ARL14EPL: variants seen among roughly 807,000 people sequenced by gnomAD.
ARL14EPL encodes ARL14 effector protein-like.
Under a neutral mutation model 15.9 loss-of-function variants are expected in ARL14EPL, and 17 were observed. The observed-to-expected ratio is 1.07, with a 90% CI of 0.73 to 1.60. ARL14EPL has a LOEUF of 1.60. ARL14EPL is among the 40% of genes most tolerant of loss of function. The pLI, the probability that ARL14EPL is intolerant of heterozygous loss-of-function variation, is 0.00. For missense variants in ARL14EPL, 214 were observed against 185.9 expected, an observed-to-expected ratio of 1.15 and a Z score of -0.88; for synonymous variants, 78 against 63.8, an observed-to-expected ratio of 1.22 and a Z score of -1.06.
chr5:116,035,575 C>T (rs1481251981), intron 1 of ARL14EPL, among the ~76,000 whole-genome samples: 2 of 152,144 alleles, frequency 1.3e-5, no homozygotes, highest in Non-Finnish European at 2.9e-5. Context: ...GAGGCAGGAA[C>T]TACAAGAAAC....
intron 1 of ARL14EPL, among the ~76,000 whole-genome samples, chr5:116,048,629 A>T (rs540004516): frequency 9.3e-4 from 141 of 152,290 alleles, no homozygotes; most frequent in Non-Finnish European, 7.8e-4. Context: ...AGCTACTGTT[A>T]TCTTGAAGAA....
At chr5:116,049,542 A>G (rs1749331422) in intron 1 of ARL14EPL, among the ~76,000 whole-genome samples, 1 of 152,190 alleles carries the variant, frequency 6.6e-6, no homozygotes, top group African/African-American at 2.4e-5. Context: ...TTTGTTACAG[A>G]AGCATATTGC....
chr5:116,059,169 C>T lies in ARL14EPL; in HGVS notation c.*222C>T. 1.8e-6 allele frequency: 1 copy of T among 547,234 alleles called. No homozygotes were observed. The highest frequency in any genetic ancestry group is 3.3e-6 in the Non-Finnish European group (1 of 305,762). The allele number at this position is 547,234 out of a possible 1,614,324, so 33.9% of individuals were successfully genotyped here. ...CTTAACTTGCAACCAAAGAATGTAACAATGGAGGGATCAGCATTTCTCATC... is the reference window on the plus strand; with the variant it reads ...CTTAACTTGCAACCAAAGAATGTAATAATGGAGGGATCAGCATTTCTCATC... On this transcript the variant is annotated 3_prime_UTR_variant, in exon 4 of 4. Transcript: ENST00000686077.
chr5:116,057,672 A>G (rs1749552713), intron 3 of ARL14EPL, among the ~76,000 whole-genome samples: 1 of 152,246 alleles, frequency 6.6e-6, no homozygotes, highest in African/African-American at 2.4e-5. Context: ...CATTCTTGCT[A>G]AAGCGTGATC....
At chr5:116,056,589 C>T (rs1749522920) in intron 3 of ARL14EPL, among the ~76,000 whole-genome samples, 1 of 152,094 alleles carries the variant, frequency 6.6e-6, no homozygotes. Flanking sequence ...TTCTCCCATT[C>T]TGTAGGTTGC....
chr5:116,041,985 T>A (rs781474475), intron 1 of ARL14EPL, among the ~76,000 whole-genome samples: 6 of 152,108 alleles, frequency 3.9e-5, no homozygotes, highest in Non-Finnish European at 5.9e-5. Context: ...TGAGCCACTA[T>A]GCTCGGCTAA....
chr5:116,049,499 T>A (rs1749330476), intron 1 of ARL14EPL, among the ~76,000 whole-genome samples: 1 of 152,194 alleles, frequency 6.6e-6, no homozygotes. Flanking sequence ...TCTTTCCAAC[T>A]TTTATTTTAG....
Position 116,056,227 on chromosome 5 carries a change from A to T in ARL14EPL, c.236+2074A>T, listed in dbSNP as rs111810528. Among the ~76,000 whole-genome samples the T allele has an allele frequency of 4.7e-3, 705 of 151,170 alleles. 6 individuals carry two copies. Among genetic ancestry groups the T allele is most frequent in the African/African-American group, 0.017 (670 of 40,560 alleles). ...AGATCCCTGAGGAATCGCCACACTGACTTCCACAAGGGTTGAAGTAGTTTA... is the reference window on the plus strand; with the variant it reads ...AGATCCCTGAGGAATCGCCACACTGTCTTCCACAAGGGTTGAAGTAGTTTA... On this transcript the variant is annotated intron_variant, in intron 3 of 3. Coordinates refer to ENST00000686077, the MANE Select transcript of ARL14EPL (RefSeq NM_001195581.2).
chr5:116,053,855 C>G (rs1749453006), intron 2 of ARL14EPL, among the ~76,000 whole-genome samples, 159 bp from the exon 3 acceptor site: 1 of 152,178 alleles, frequency 6.6e-6, no homozygotes, highest in Non-Finnish European at 1.5e-5. Flanking sequence ...TGTACACCAT[C>G]TTTTGAAACT....
intron 1 of ARL14EPL, among the ~76,000 whole-genome samples, chr5:116,041,544 T>A (rs1749158290): frequency 6.6e-6 from 1 of 152,206 alleles, no homozygotes; most frequent in Admixed American, 6.5e-5. Context: ...TTCACTTACC[T>A]GCTAGTCACT....
intron 1 of ARL14EPL, among the ~76,000 whole-genome samples, chr5:116,041,996 T>C (rs999606971): frequency 6.6e-6 from 1 of 152,002 alleles, no homozygotes; most frequent in Non-Finnish European, 1.5e-5. Flanking sequence ...GCTCGGCTAA[T>C]TTTTTTATTT....
At chr5:116,036,656 A>G (rs1749055251) in intron 1 of ARL14EPL, among the ~76,000 whole-genome samples, 2 of 152,210 alleles carry the variant, frequency 1.3e-5, no homozygotes. Flanking sequence ...AGGATATTTT[A>G]TTGATATAAA....
intron 1 of ARL14EPL, among the ~76,000 whole-genome samples, chr5:116,038,781 T>C (rs1749094764): frequency 6.6e-6 from 1 of 151,540 alleles, no homozygotes; most frequent in African/African-American, 2.5e-5. Context: ...GCACGTTCTA[T>C]GACTAACTAC....
At chr5:116,058,588 A>G (rs1368184873) in intron 3 of ARL14EPL, 137 bp from the exon 4 acceptor site, 1 of 785,156 alleles carries the variant, frequency 1.3e-6, no homozygotes, top group African/African-American at 1.7e-5. Flanking sequence ...GGTCCAGAGT[A>G]CCAATGTTTC....
intron 1 of ARL14EPL, among the ~76,000 whole-genome samples, chr5:116,033,480 A>C (rs1300425881): frequency 2.0e-5 from 3 of 152,186 alleles, no homozygotes; most frequent in African/African-American, 7.2e-5. Flanking sequence ...TTTTCAACTT[A>C]CTATAGGCTT....
intron 1 of ARL14EPL, among the ~76,000 whole-genome samples, chr5:116,037,979 T>C (rs913530946): frequency 4.6e-5 from 7 of 152,182 alleles, no homozygotes; most frequent in Admixed American, 2.0e-4. Flanking sequence ...GTCACTGCTG[T>C]GTTTGTGAAC....
chr5:116,052,374 A>G lies in ARL14EPL; in HGVS notation c.96+813A>G, dbSNP rs540787979. The stretch of plus-strand genomic sequence containing the variant: ...AAATGTTTTTATTTAATGAACCTTT[A>G]TTTTGTTATTATTATGTCACGTTAT... On this transcript the variant is annotated intron_variant, in intron 2 of 3. Transcript: ENST00000686077. The G allele has an allele frequency of 1.7e-5, 13 of 769,858 alleles. 1 individual carries two copies. The African/African-American group carries it at 2.3e-4, about 13-fold the overall frequency. 47.7% of individuals were successfully genotyped at this position (769,858 alleles called of 1,614,324 possible).
intron 3 of ARL14EPL, among the ~76,000 whole-genome samples, chr5:116,055,903 T>C (rs1029059488): frequency 2.6e-5 from 4 of 152,022 alleles, no homozygotes; most frequent in African/African-American, 9.7e-5. Flanking sequence ...CGGTGTTTGG[T>C]TTTTAGTCCT....
At chr5:116,036,281 C>T (rs969558) in intron 1 of ARL14EPL, among the ~76,000 whole-genome samples, 78,532 of 151,936 alleles carry the variant, frequency 0.52, 21,929 homozygotes, top group African/African-American at 0.74. Context: ...GTTAAGATAC[C>T]ATTACACTCT....
Sources: allele counts gnomAD v4.1 joint callset (sites outside exome capture counted in the v4.1 genomes callset), GRCh38; gene constraint gnomAD v4.1.1; transcripts MANE v1.5; gene names NCBI Gene and HGNC (gene_info 2026-07-23, HGNC 2026-07-21).